The following XRN1 variants were observed in gnomAD, a reference collection of about 807,000 sequenced individuals.
XRN1 encodes strand-exchange protein 1 homolog.
Under a neutral mutation model 222.3 loss-of-function variants are expected in XRN1, and 67 were observed. The ratio of observed to expected loss-of-function variants is 0.30; its 90% CI spans 0.25 to 0.37. The LOEUF (loss-of-function observed/expected upper bound fraction) is 0.37. Among genes scored for constraint, XRN1 ranks in the 10% least tolerant of loss-of-function variants. The probability of loss-of-function intolerance (pLI) is 1.00; values close to 1 mark genes in which losing one functional copy is unlikely to be tolerated. For missense variants in XRN1, 1,707 were observed against 2,000.2 expected, an observed-to-expected ratio of 0.85 and a Z score of 2.80; for synonymous variants, 643 against 652.4, an observed-to-expected ratio of 0.99 and a Z score of 0.22.
chr3:142,434,679 C>T lies in XRN1; in HGVS notation c.76-1786G>A, dbSNP rs187886287. On this transcript the variant is annotated intron_variant, in intron 1 of 40. Coordinates refer to ENST00000392981, the MANE Select transcript of XRN1 (RefSeq NM_001282857.2). Reference sequence around the variant, plus strand: ...AGACTGAAGTGAGAGAATCTTTGAACCCATAGGTTCAAGGCTGCAGTGAGT... The same window carrying T: ...AGACTGAAGTGAGAGAATCTTTGAATCCATAGGTTCAAGGCTGCAGTGAGT... Among the ~76,000 whole-genome samples, 238 of 152,086 alleles carry T rather than the reference C, an allele frequency of 1.6e-3. 2 individuals carry two copies. The highest frequency in any genetic ancestry group is 2.9e-3 in the Non-Finnish European group (198 of 67,992).
Position 142,307,426 on chromosome 3 carries a change from C to T in XRN1, c.*4085G>A, listed in dbSNP as rs2064991930. On this transcript the variant is annotated 3_prime_UTR_variant, in exon 41 of 41. Transcript: ENST00000392981. The stretch of plus-strand genomic sequence containing the variant: ...TGTAAAAAAATGTATCTTTTGGAAA[C>T]CATAGTCTCCTTCACAAATTGCACT... The T allele has an allele frequency of 6.6e-6, 1 of 151,886 alleles. No individual in the cohort carries two copies. Among genetic ancestry groups the T allele is most frequent in the Non-Finnish European group, 1.5e-5 (1 of 67,980 alleles). The allele number at this position is 151,886 out of a possible 1,614,324, so 9.4% of individuals were successfully genotyped here. A position where few individuals can be genotyped will look rare whatever the true frequency, so the allele number is the denominator to read the frequency against.
intron 14 of XRN1, among the ~76,000 whole-genome samples, chr3:142,413,155 A>G (rs2068652246): frequency 6.6e-6 from 1 of 152,234 alleles, no homozygotes; most frequent in African/African-American, 2.4e-5. Flanking sequence ...TGCACCACTA[A>G]TATCAAAGAG....
chr3:142,354,920 G>A (rs2066419478), intron 32 of XRN1, among the ~76,000 whole-genome samples: 1 of 152,176 alleles, frequency 6.6e-6, no homozygotes, highest in Non-Finnish European at 1.5e-5. Flanking sequence ...AACATCCTTT[G>A]CAGCAACATG....
At chr3:142,355,612 C>A in intron 31 of XRN1, 116 bp from the exon 32 acceptor site, 1 of 585,326 alleles carries the variant, frequency 1.7e-6, no homozygotes, top group South Asian at 3.6e-5. Flanking sequence ...GATATTAAAC[C>A]TTTTTTTTTT....
In XRN1 at chr3:142,310,983, A is replaced by T. The variant is rs1311654062; in HGVS notation, c.*528T>A. The T allele has an allele frequency of 6.5e-6, 1 of 152,756 alleles. No homozygotes were observed. Among genetic ancestry groups the T allele is most frequent in the African/African-American group, 2.4e-5 (1 of 41,466 alleles). The allele number at this position is 152,756 out of a possible 1,614,324, so 9.5% of individuals were successfully genotyped here. On this transcript the variant is annotated 3_prime_UTR_variant, in exon 41 of 41. Coordinates refer to ENST00000392981, the MANE Select transcript of XRN1 (RefSeq NM_001282857.2). Reference sequence around the variant, plus strand: ...TAAAGACCCTCAGAGGCAACAAAGCATAAGTTAAAACACACATAAATAAGA... The same window carrying T: ...TAAAGACCCTCAGAGGCAACAAAGCTTAAGTTAAAACACACATAAATAAGA...
intron 19 of XRN1, among the ~76,000 whole-genome samples, chr3:142,398,740 G>A (rs1477361535): frequency 6.6e-6 from 1 of 152,020 alleles, no homozygotes; most frequent in East Asian, 1.9e-4. Context: ...CTAGCTTACA[G>A]GAAATATGTG....
intron 18 of XRN1, 41 bp downstream of exon 18, chr3:142,403,633 T>C: frequency 1.3e-6 from 2 of 1,560,504 alleles, no homozygotes; most frequent in East Asian, 4.5e-5. Flanking sequence ...GTTTAATACA[T>C]TATAGGCATC....
chr3:142,320,733 A>AT (rs566120137), intron 37 of XRN1, among the ~76,000 whole-genome samples: 130 of 152,182 alleles, frequency 8.5e-4, no homozygotes, highest in African/African-American at 2.8e-3. Context: ...TATTCCAGAT[A>AT]TTTTTTATCA....
At chr3:142,370,004 G>A (rs903911016) in intron 27 of XRN1, among the ~76,000 whole-genome samples, 1 of 149,578 alleles carries the variant, frequency 6.7e-6, no homozygotes, top group Non-Finnish European at 1.5e-5. Context: ...CCGAGATCCT[G>A]CCACTGCACT....
At chr3:142,395,594 T>C (rs1005157347) in intron 20 of XRN1, among the ~76,000 whole-genome samples, 1 of 152,230 alleles carries the variant, frequency 6.6e-6, no homozygotes, top group Non-Finnish European at 1.5e-5. Context: ...CAATTTCTAC[T>C]GTGTCTCCAC....
At chr3:142,446,392 T>C (rs549667243) in intron 1 of XRN1, among the ~76,000 whole-genome samples, 1 of 152,294 alleles carries the variant, frequency 6.6e-6, no homozygotes, top group South Asian at 2.1e-4. Flanking sequence ...TAAAAATAAT[T>C]CTCCTCCCAG....
chr3:142,390,988 T>C (rs1417725030), intron 20 of XRN1, among the ~76,000 whole-genome samples: 1 of 152,170 alleles, frequency 6.6e-6, no homozygotes, highest in African/African-American at 2.4e-5. Context: ...ACAACATTTA[T>C]TGATTAATTC....
In XRN1 at chr3:142,351,880, A is replaced by T. The variant is rs536895285; in HGVS notation, c.3768+3521T>A. ...CCCATCTTAGACAAGGCAGCATGAG[A>T]GAAGAAGAACATTTTTTTTTAAGTT... is the stretch of plus-strand genomic sequence containing the variant. On this transcript the variant is annotated intron_variant, in intron 32 of 40. Coordinates refer to ENST00000392981, the MANE Select transcript of XRN1 (RefSeq NM_001282857.2). Among the ~76,000 whole-genome samples, 10 of 151,448 alleles carry T rather than the reference A, an allele frequency of 6.6e-5. No individual in the cohort carries two copies. In the East Asian group the frequency reaches 2.0e-3, roughly 30 times the overall value.
chr3:142,317,590 T>C (rs112444784), intron 39 of XRN1, among the ~76,000 whole-genome samples: 75 of 152,280 alleles, frequency 4.9e-4, no homozygotes, highest in African/African-American at 1.6e-3. Context: ...CATATCTAGA[T>C]AGCTCCTCTA....
rs552921536 is a variant in XRN1 at position 142,446,007 on chromosome 3, G to C, written c.75+1863C>G. 3.9e-5 allele frequency among the ~76,000 whole-genome samples: 6 copies of C among 152,354 alleles called. No homozygotes were observed. In the East Asian group the frequency reaches 5.8e-4, roughly 15 times the overall value. ...CAGATGGCAATATCAACGGTGTCTA[G>C]AGACTATTGATAGTTTGCCTCACCT... On this transcript the variant is annotated intron_variant, in intron 1 of 40. Coordinates refer to ENST00000392981, the MANE Select transcript of XRN1 (RefSeq NM_001282857.2).
At chr3:142,380,527 T>C (rs372555508) in intron 22 of XRN1, among the ~76,000 whole-genome samples, 1 of 152,142 alleles carries the variant, frequency 6.6e-6, no homozygotes, top group East Asian at 1.9e-4. Context: ...AGGATCTCGC[T>C]CTGTCATTCA....
At chr3:142,402,116 C>T (rs1219136319) in intron 18 of XRN1, among the ~76,000 whole-genome samples, 1 of 152,144 alleles carries the variant, frequency 6.6e-6, no homozygotes, top group Admixed American at 6.6e-5. Flanking sequence ...CTGTTGACAA[C>T]TTGAATATCC....
chr3:142,413,061 T>A (rs938123049), intron 14 of XRN1, among the ~76,000 whole-genome samples: 8 of 152,206 alleles, frequency 5.3e-5, no homozygotes, highest in African/African-American at 1.9e-4. Flanking sequence ...CAATTTACTT[T>A]CATGTCCTGA....
In XRN1 at chr3:142,318,687, A is replaced by C; in HGVS notation, c.4526T>G (p.Leu1509Ter). The C allele has an allele frequency of 2.5e-6, 4 of 1,609,624 alleles. No individual in the cohort carries two copies. The highest frequency in any genetic ancestry group is 3.4e-6 in the Non-Finnish European group (4 of 1,178,024). Residue 1509 changes from leucine (L) to a stop codon, truncating the protein, a stop_gained, in exon 39 of 41, where the codon TTA (leucine) becomes TGA (stop). Transcript: ENST00000392981. LOFTEE classifies it high-confidence loss of function. ...ALFALQQLGS[L>*]GMNFPLPSQV... ...TGAAGGCAAAGGGAAATTCATGCCT[A>C]AGGAGCCCTGTGGAAGTATTTAAAA...
Sources: gnomAD v4.1 joint callset for allele counts (sites outside exome capture counted in the v4.1 genomes callset) on GRCh38, gnomAD v4.1.1 for gene constraint, MANE v1.5 for transcripts, NCBI Gene and HGNC (gene_info 2026-07-23, HGNC 2026-07-21) for gene names.